The following LIMCH1 variants were observed in gnomAD, a reference collection of about 807,000 sequenced individuals.
LIMCH1 encodes the protein LIM and calponin homology domains 1.
Under a neutral mutation model 176.5 loss-of-function variants are expected in LIMCH1, and 113 were observed. The observed-to-expected ratio is 0.64, with a 90% CI of 0.55 to 0.75. The LOEUF (loss-of-function observed/expected upper bound fraction) is 0.75. LIMCH1 is among the 30% of genes least tolerant of loss of function. The pLI is 0.00. For synonymous variants in LIMCH1, 619 were observed against 645.9 expected (o/e 0.96, Z 0.63); for missense variants, 1,674 against 1,814.9 (o/e 0.92, Z 1.41).
intron 1 of LIMCH1, among the ~76,000 whole-genome samples, chr4:41,584,829 A>G (rs2086159980): frequency 6.6e-6 from 1 of 152,200 alleles, no homozygotes; most frequent in Admixed American, 6.5e-5. Flanking sequence ...CTATAAGAAA[A>G]TACTATAGAC....
At chr4:41,593,381 G>T (rs2088035335) in intron 1 of LIMCH1, among the ~76,000 whole-genome samples, 1 of 152,192 alleles carries the variant, frequency 6.6e-6, no homozygotes, top group African/African-American at 2.4e-5. Context: ...CTCATGTTAT[G>T]CAGTACTTGC....
rs181002838 is a variant in LIMCH1 at position 41,630,955 on chromosome 4, C to T, written c.1272-193C>T. On this transcript the variant is annotated intron_variant, in intron 9 of 31. Transcript: ENST00000503057. ...TAGTGCACGGCAAATTCAAGTTTTG[C>T]TTTTTGAAACTTTGTGGAATTTTTT... is the stretch of plus-strand genomic sequence containing the variant. 1.4e-4 allele frequency among the ~76,000 whole-genome samples: 21 copies of T among 152,214 alleles called. No homozygotes were observed. In the East Asian group the frequency reaches 3.7e-3, roughly 27 times the overall value.
intron 1 of LIMCH1, among the ~76,000 whole-genome samples, chr4:41,399,840 A>ATTTTTT (rs71198650): frequency 0.11 from 12,897 of 113,528 alleles, 1,597 homozygotes; most frequent in African/African-American, 0.28. Context: ...TGCCCGGCTA[A>ATTTTTT]TTTTTTTTTT....
chr4:41,488,714 A>C (rs2154171777), intron 1 of LIMCH1, among the ~76,000 whole-genome samples: 1 of 152,300 alleles, frequency 6.6e-6, no homozygotes, highest in South Asian at 2.1e-4. Context: ...AATATTGAAA[A>C]ATTTAAAAAG....
intron 13 of LIMCH1, among the ~76,000 whole-genome samples, chr4:41,636,104 T>C (rs1287891137): frequency 1.3e-5 from 2 of 151,928 alleles, no homozygotes; most frequent in Non-Finnish European, 2.9e-5. Flanking sequence ...AGAGGCAGAG[T>C]CTCACTATGT....
intron 1 of LIMCH1, among the ~76,000 whole-genome samples, chr4:41,433,096 C>T (rs2061743737): frequency 6.6e-6 from 1 of 152,202 alleles, no homozygotes; most frequent in Non-Finnish European, 1.5e-5. Context: ...GAGGGAAATC[C>T]TTGCATGCTA....
intron 18 of LIMCH1, among the ~76,000 whole-genome samples, chr4:41,652,464 C>T (rs1015465204): frequency 2.6e-5 from 4 of 152,278 alleles, no homozygotes; most frequent in Middle Eastern, 3.4e-3. Flanking sequence ...CATTTGCATA[C>T]GTCTTACCTC....
In LIMCH1 at chr4:41,644,494, A is replaced by T; in HGVS notation, c.2127-6A>T. 1 of 1,549,104 alleles carries T rather than the reference A, an allele frequency of 6.5e-7. No individual in the cohort carries two copies. The highest frequency in any genetic ancestry group is 8.7e-7 in the Non-Finnish European group (1 of 1,146,628). ...TCCCTCTTGTGTTCGCTCTCTCCAC[A>T]CTCAGGAGCACCAGCATGTTTGACA... On this transcript the variant is annotated splice_polypyrimidine_tract_variant and splice_region_variant and intron_variant, in intron 14 of 31. Coordinates refer to ENST00000503057, the MANE Select transcript of LIMCH1 (RefSeq NM_001330672.2).
intron 1 of LIMCH1, among the ~76,000 whole-genome samples, chr4:41,557,836 T>C (rs2081489254): frequency 6.6e-6 from 1 of 152,092 alleles, no homozygotes; most frequent in Non-Finnish European, 1.5e-5. Flanking sequence ...GTGTGGGCTT[T>C]TGTGGGGGCT....
At chr4:41,448,523 C>A (rs190012207) in intron 1 of LIMCH1, among the ~76,000 whole-genome samples, 1 of 149,784 alleles carries the variant, frequency 6.7e-6, no homozygotes, top group Non-Finnish European at 1.5e-5. Flanking sequence ...CGTAAGGAAG[C>A]ACAATTCATT....
At chr4:41,594,641 A>G (rs1488871147) in intron 1 of LIMCH1, among the ~76,000 whole-genome samples, 1 of 152,112 alleles carries the variant, frequency 6.6e-6, no homozygotes, top group African/African-American at 2.4e-5. Context: ...GCTCCCCTCC[A>G]GCATCATTAG....
intron 1 of LIMCH1, among the ~76,000 whole-genome samples, chr4:41,412,680 G>C (rs1361647989): frequency 1.3e-5 from 2 of 152,168 alleles, no homozygotes; most frequent in Non-Finnish European, 2.9e-5. Flanking sequence ...GTGGGGAAAT[G>C]AGCAGTAGAG....
At chr4:41,361,077 G>C (rs1217978315) in intron 1 of LIMCH1, 3 of 541,692 alleles carry the variant, frequency 5.5e-6, no homozygotes, top group Non-Finnish European at 9.6e-6. Flanking sequence ...CACCCCCCCG[G>C]GCCTCGGCGA....
intron 2 of LIMCH1, among the ~76,000 whole-genome samples, chr4:41,505,233 C>A (rs1197218982): frequency 6.6e-6 from 1 of 152,154 alleles, no homozygotes. Context: ...CTGGCACTTG[C>A]TTGGCACCCT....
intron 1 of LIMCH1, among the ~76,000 whole-genome samples, chr4:41,576,870 G>A (rs2084564522): frequency 1.3e-5 from 2 of 152,172 alleles, no homozygotes; most frequent in African/African-American, 4.8e-5. Context: ...GGAGGAGGAT[G>A]TGGAATACAT....
intron 1 of LIMCH1, among the ~76,000 whole-genome samples, chr4:41,596,955 T>C (rs2088958039): frequency 6.6e-6 from 1 of 152,138 alleles, no homozygotes. Flanking sequence ...TTGTAGTAAC[T>C]CGTCATTGTT....
rs1715168454 is a variant in LIMCH1 at position 41,680,910 on chromosome 4, A to G, written c.3613-45A>G. 3.7e-6 allele frequency: 4 copies of G among 1,092,752 alleles called. No homozygotes were observed. The East Asian group carries it at 9.6e-5, about 26-fold the overall frequency. 67.7% of individuals were successfully genotyped at this position (1,092,752 alleles called of 1,614,324 possible). ...TGACATTTTTGTCTTGACAAATATG[A>G]TTTTTATTTTCCCCCCTTTCATCGA... On this transcript the variant is annotated intron_variant, in intron 24 of 31. Coordinates refer to ENST00000503057, the MANE Select transcript of LIMCH1 (RefSeq NM_001330672.2).
chr4:41,558,925 C>G (rs2081677247), intron 1 of LIMCH1, among the ~76,000 whole-genome samples: 1 of 152,040 alleles, frequency 6.6e-6, no homozygotes, highest in Admixed American at 6.5e-5. Context: ...CATGTCTTCA[C>G]CATCTGAGAT....
At chr4:41,660,077 T>C (rs2094569064) in intron 18 of LIMCH1, among the ~76,000 whole-genome samples, 2 of 152,214 alleles carry the variant, frequency 1.3e-5, no homozygotes, top group East Asian at 3.9e-4. Flanking sequence ...TTACTATCTT[T>C]TTTTCTATAT....
Sources: gnomAD v4.1 joint callset for allele counts (sites outside exome capture counted in the v4.1 genomes callset) on GRCh38, gnomAD v4.1.1 for gene constraint, MANE v1.5 for transcripts, NCBI Gene and HGNC (gene_info 2026-07-23, HGNC 2026-07-21) for gene names.